The following KICS2 variants were observed in gnomAD, a reference collection of about 807,000 sequenced individuals.
The protein encoded by KICS2 is KICSTOR complex protein C12orf66.
Under a neutral mutation model 31.4 loss-of-function variants are expected in KICS2, and 13 were observed. That is an observed-to-expected ratio of 0.41 (90% CI 0.27 to 0.66). The LOEUF is 0.66. Among genes scored for constraint, KICS2 ranks in the 30% least tolerant of loss-of-function variants. The probability of loss-of-function intolerance (pLI) is 0.28; values close to 1 mark genes in which losing one functional copy is unlikely to be tolerated. For missense variants in KICS2, 455 were observed against 545.4 expected (o/e 0.83, Z 1.65); for synonymous variants, 209 against 214.8 (o/e 0.97, Z 0.24).
At chr12:64,203,954 C>A (rs2037513701) in intron 2 of KICS2, among the ~76,000 whole-genome samples, 1 of 122,296 alleles carries the variant, frequency 8.2e-6, no homozygotes, top group Non-Finnish European at 1.8e-5. Context: ...GGAACAAGAT[C>A]ATGTCCTTTG....
At position 64,201,627 on chromosome 12, in the gene KICS2, A is replaced by AC. The variant is rs201476186; in HGVS notation, c.522-6970_522-6969insG. On this transcript the variant is annotated intron_variant, in intron 2 of 2. Coordinates refer to ENST00000398055, the MANE Select transcript of KICS2 (RefSeq NM_152440.5). The stretch of plus-strand genomic sequence containing the variant: ...TAATAAAAAAAAAAAAAGAAAAAAA[A>AC]AAAAAACAAAATGGTGGCCAGCCTG... Among the ~76,000 whole-genome samples, 385 of 146,268 alleles carry AC rather than the reference A, an allele frequency of 2.6e-3. 7 individuals carry two copies. In the East Asian group the frequency reaches 0.07, roughly 26 times the overall value.
intron 2 of KICS2, among the ~76,000 whole-genome samples, chr12:64,195,943 G>C (rs1200368671): frequency 6.6e-6 from 1 of 152,132 alleles, no homozygotes; most frequent in East Asian, 1.9e-4. Flanking sequence ...CTGGCTTGGA[G>C]GGTCCTATGC....
Position 64,193,242 on chromosome 12 carries a change from A to G in KICS2, c.*600T>C. 1.0e-6 allele frequency: 1 copy of G among 985,902 alleles called. No individual in the cohort carries two copies. The highest frequency in any genetic ancestry group is 4.7e-5 in the South Asian group (1 of 21,304). The allele number at this position is 985,902 out of a possible 1,614,324, so 61.1% of individuals were successfully genotyped here. A position where few individuals can be genotyped will look rare whatever the true frequency, so the allele number is the denominator to read the frequency against. On this transcript the variant is annotated 3_prime_UTR_variant, in exon 3 of 3. Transcript: ENST00000398055. ...TGCCATGAGGATCTTCTGAACTGTT[A>G]AAACCTTACGTCATGCTACCAATCT...
downstream of KICS2, among the ~76,000 whole-genome samples, chr12:64,190,577 C>A (rs1051562113): frequency 6.6e-6 from 1 of 152,054 alleles, no homozygotes; most frequent in Non-Finnish European, 1.5e-5. Flanking sequence ...CCAGCCTGAG[C>A]AACATAGTGC....
At chr12:64,214,716 A>G (rs937837193) in intron 2 of KICS2, among the ~76,000 whole-genome samples, 1 of 152,026 alleles carries the variant, frequency 6.6e-6, no homozygotes, top group Non-Finnish European at 1.5e-5. Context: ...CATCTCTACT[A>G]AAAATACAAA....
At position 64,222,068 on chromosome 12, in the gene KICS2, G is replaced by T; in HGVS notation, c.170C>A (p.Ala57Asp). Reference sequence around the variant, plus strand: ...CTCGGCCGCGGCCAGGTGCGCCAAGGCCGCCAGCAGCGACAGCCAGCTGCC... The same window carrying T: ...CTCGGCCGCGGCCAGGTGCGCCAAGTCCGCCAGCAGCGACAGCCAGCTGCC... Reference protein sequence around the residue: ...AGGSWLSLLAALAHLAAAEKV... With the variant: ...AGGSWLSLLADLAHLAAAEKV... The change falls in exon 1 of 3, where the codon GCC becomes GAC. Residue 57 changes from alanine to aspartate, a missense_variant. Transcript: ENST00000398055. The T allele has an allele frequency of 6.2e-7, 1 of 1,613,684 alleles. No individual in the cohort carries two copies. The highest frequency in any genetic ancestry group is 8.5e-7 in the Non-Finnish European group (1 of 1,179,860).
chr12:64,221,954 A>AC, intron 1 of KICS2, 49 bp downstream of exon 1: 2 of 1,425,556 alleles, frequency 1.4e-6, no homozygotes, highest in Non-Finnish European at 1.9e-6. Context: ...TGGGGAATAT[A>AC]CCCCCTTTAC....
intron 2 of KICS2, among the ~76,000 whole-genome samples, chr12:64,197,575 G>A (rs2037452312): frequency 6.6e-6 from 1 of 150,910 alleles, no homozygotes; most frequent in Non-Finnish European, 1.5e-5. Context: ...ACATCATAAT[G>A]ACAGGATCAA....
At chr12:64,218,169 C>G (rs1333955327) in intron 1 of KICS2, among the ~76,000 whole-genome samples, 1 of 152,190 alleles carries the variant, frequency 6.6e-6, no homozygotes, top group Non-Finnish European at 1.5e-5. Context: ...TGCCTTCCTC[C>G]CATGCCCATA....
At chr12:64,207,859 A>G (rs1351546389) in intron 2 of KICS2, among the ~76,000 whole-genome samples, 6 of 152,224 alleles carry the variant, frequency 3.9e-5, no homozygotes, top group African/African-American at 1.4e-4. Context: ...AGAACAACAA[A>G]AGGACATTCT....
downstream of KICS2, chr12:64,186,542 C>T (rs907234287): frequency 3.9e-5 from 6 of 151,946 alleles, no homozygotes; most frequent in African/African-American, 1.5e-4. Flanking sequence ...TTTAAAAGAC[C>T]GAATAACATT....
At chr12:64,202,156 G>A (rs1377036643) in intron 2 of KICS2, among the ~76,000 whole-genome samples, 1 of 152,176 alleles carries the variant, frequency 6.6e-6, no homozygotes, top group Non-Finnish European at 1.5e-5. Flanking sequence ...TGTAAACCCA[G>A]CACTTTGGGA....
intron 2 of KICS2, chr12:64,204,908 A>T (rs558341850): frequency 1.8e-4 from 28 of 152,336 alleles, no homozygotes; most frequent in Admixed American, 5.2e-4. Context: ...GTATATTTTT[A>T]AAAATGTTTT....
chr12:64,217,895 GAAAGA>G (rs1360188008), intron 1 of KICS2, among the ~76,000 whole-genome samples: 2 of 151,554 alleles, frequency 1.3e-5, no homozygotes, highest in Admixed American at 6.6e-5. Context: ...GAAACCAAAG[GAAAGA>G]AAAGAAAAGA....
Position 64,222,127 on chromosome 12 carries a change from C to T in KICS2, c.111G>A (p.Val37=), listed in dbSNP as rs777481409. ...IFSYDKAKDN[V]EKEREANKSA... ...TCTTGTTGGCCTCTCGTTCCTTCTC[C>T]ACATTGTCCTTAGCCTTGTCGTAAG... Residue 37 remains valine (V), a synonymous_variant, in exon 1 of 3, where the codon GTG becomes GTA. Transcript: ENST00000398055. The T allele has an allele frequency of 1.2e-6, 2 of 1,614,068 alleles. No homozygotes were observed. Among genetic ancestry groups the T allele is most frequent in the South Asian group, 2.2e-5 (2 of 91,074 alleles).
downstream of KICS2, among the ~76,000 whole-genome samples, chr12:64,189,498 T>C (rs567978763): frequency 7.9e-5 from 12 of 152,328 alleles, no homozygotes; most frequent in African/African-American, 2.6e-4. Flanking sequence ...AGTTCAAGGA[T>C]ACTGTCATCA....
chr12:64,202,152 C>T (rs2037496296), intron 2 of KICS2, among the ~76,000 whole-genome samples: 1 of 152,192 alleles, frequency 6.6e-6, no homozygotes, highest in African/African-American at 2.4e-5. Context: ...TTCCTGTAAA[C>T]CCAGCACTTT....
chr12:64,195,293 C>T (rs540883418), intron 2 of KICS2, among the ~76,000 whole-genome samples: 3 of 152,296 alleles, frequency 2.0e-5, no homozygotes, highest in South Asian at 4.1e-4. Context: ...TGAAACAAGG[C>T]ATGCTCTTTT....
chr12:64,217,501 T>C (rs895158846), intron 1 of KICS2, among the ~76,000 whole-genome samples: 20 of 150,962 alleles, frequency 1.3e-4, no homozygotes, highest in African/African-American at 4.9e-4. Flanking sequence ...AAATCTCATA[T>C]TGTTTAAGAA....
Sources: allele counts gnomAD v4.1 joint callset (sites outside exome capture counted in the v4.1 genomes callset), GRCh38; gene constraint gnomAD v4.1.1; transcripts MANE v1.5; gene names NCBI Gene and HGNC (gene_info 2026-07-23, HGNC 2026-07-21).